Variants in CALCR observed in about 807,000 individuals in gnomAD.
CALCR encodes the protein calcitonin receptor.
CALCR carries 47 observed loss-of-function variants against 59.5 expected under a neutral mutation model. The observed-to-expected ratio is 0.79, with a 90% CI of 0.63 to 1.01. The LOEUF is 1.01. Ranked by LOEUF, CALCR falls within the 50% of genes least tolerant of loss-of-function variation. The pLI is 0.00. For synonymous variants in CALCR, 213 were observed against 211.3 expected, an observed-to-expected ratio of 1.01 and a Z score of -0.07; for missense variants, 566 against 597.1, an observed-to-expected ratio of 0.95 and a Z score of 0.54.
At position 93,473,400 on chromosome 7, in the gene CALCR, T is replaced by G. The variant is rs529739140; in HGVS notation, c.317-913A>C. On this transcript the variant is annotated intron_variant, in intron 5 of 13. Transcript: ENST00000426151. ...CGAGTCTACTTGATTCCAAATCTATTGCAGAGCTATTAAGCACTAATTAAG... is the reference window on the plus strand; with the variant it reads ...CGAGTCTACTTGATTCCAAATCTATGGCAGAGCTATTAAGCACTAATTAAG... 9.3e-4 allele frequency among the ~76,000 whole-genome samples: 142 copies of G among 151,900 alleles called. 1 individual carries two copies. Among genetic ancestry groups the G allele is most frequent in the Non-Finnish European group, 1.8e-3 (122 of 67,840 alleles).
chr7:93,436,862 T>C (rs1799789872), intron 11 of CALCR, among the ~76,000 whole-genome samples: 1 of 152,126 alleles, frequency 6.6e-6, no homozygotes. Flanking sequence ...GCTAAATACA[T>C]GTTTGATATT....
intron 9 of CALCR, among the ~76,000 whole-genome samples, chr7:93,441,272 C>T (rs1316322388): frequency 6.6e-6 from 1 of 152,004 alleles, no homozygotes; most frequent in Non-Finnish European, 1.5e-5. Flanking sequence ...AAATATACCA[C>T]AGATTTTATT....
intron 2 of CALCR, among the ~76,000 whole-genome samples, chr7:93,534,494 G>A (rs1190850955): frequency 6.6e-6 from 1 of 150,706 alleles, no homozygotes; most frequent in East Asian, 1.9e-4. Context: ...TAATTGTCAT[G>A]CTTTTGAATA....
intron 2 of CALCR, among the ~76,000 whole-genome samples, chr7:93,527,704 C>T (rs879431772): frequency 5.9e-5 from 9 of 152,092 alleles, no homozygotes; most frequent in Non-Finnish European, 1.2e-4. Context: ...ATATAAGCTT[C>T]TAAGACAAAA....
At chr7:93,487,336 G>A (rs1800968306) in intron 2 of CALCR, among the ~76,000 whole-genome samples, 1 of 151,350 alleles carries the variant, frequency 6.6e-6, no homozygotes. Context: ...TGATAGAGCT[G>A]CTGAAAATTG....
intron 12 of CALCR, among the ~76,000 whole-genome samples, 157 bp from the exon 13 acceptor site, chr7:93,434,451 A>C (rs1345059641): frequency 6.6e-6 from 1 of 152,038 alleles, no homozygotes; most frequent in Admixed American, 6.6e-5. Flanking sequence ...GCACTATAAG[A>C]ATATTCCCTT....
intron 2 of CALCR, among the ~76,000 whole-genome samples, chr7:93,525,259 A>T (rs1801853101): frequency 6.6e-6 from 1 of 152,186 alleles, no homozygotes; most frequent in South Asian, 2.1e-4. Flanking sequence ...AATGTTAGGA[A>T]ACATTACCTT....
At chr7:93,428,216 T>C (rs986084414) in intron 13 of CALCR, among the ~76,000 whole-genome samples, 1 of 152,248 alleles carries the variant, frequency 6.6e-6, no homozygotes, top group African/African-American at 2.4e-5. Context: ...TACCGTATCA[T>C]AAGTATGTGA....
At chr7:93,569,217 GAT>G (rs2116290131) in intron 2 of CALCR, among the ~76,000 whole-genome samples, 1 of 151,874 alleles carries the variant, frequency 6.6e-6, no homozygotes, top group East Asian at 1.9e-4. Flanking sequence ...CCACCAGAGA[GAT>G]CTACCAAAAT....
intron 2 of CALCR, among the ~76,000 whole-genome samples, chr7:93,524,218 G>C (rs537277256): frequency 6.9e-6 from 1 of 145,408 alleles, no homozygotes; most frequent in Non-Finnish European, 1.5e-5. Flanking sequence ...TGCCCAGGCT[G>C]GAGTGCAGTG....
intron 8 of CALCR, among the ~76,000 whole-genome samples, chr7:93,451,626 C>G (rs759776074): frequency 7.9e-5 from 12 of 151,946 alleles, no homozygotes; most frequent in Non-Finnish European, 1.6e-4. Context: ...ATGGGGTCAT[C>G]ACACAAGTTT....
intron 5 of CALCR, 94 bp from the exon 6 acceptor site, chr7:93,472,581 T>G (rs888715879): frequency 2.3e-5 from 17 of 727,064 alleles, no homozygotes; most frequent in Non-Finnish European, 4.1e-5. Context: ...TCCAACATAT[T>G]AATCACTTTA....
In CALCR at chr7:93,535,211, T is replaced by C. The variant is rs1788954348; in HGVS notation, c.-27+39078A>G. On this transcript the variant is annotated intron_variant, in intron 2 of 13. Transcript: ENST00000426151. ...GACCTACGATTTTTCGTTTTATACT[T>C]ATGCTCTAGTTCTCCAAGTACAATC... 2.6e-5 allele frequency among the ~76,000 whole-genome samples: 4 copies of C among 151,754 alleles called. 1 individual carries two copies. The South Asian group carries it at 8.3e-4, about 31-fold the overall frequency.
chr7:93,525,414 A>G (rs576256742), intron 2 of CALCR, among the ~76,000 whole-genome samples: 1 of 152,124 alleles, frequency 6.6e-6, no homozygotes, highest in Non-Finnish European at 1.5e-5. Context: ...TCTCAGTACT[A>G]TGTTCAAACT....
At chr7:93,518,627 G>C (rs1801695101) in intron 2 of CALCR, among the ~76,000 whole-genome samples, 2 of 151,808 alleles carry the variant, frequency 1.3e-5, no homozygotes. Context: ...AACCAATTAG[G>C]TGGAGAGTAC....
At chr7:93,502,393 T>G (rs1801336843) in intron 2 of CALCR, among the ~76,000 whole-genome samples, 1 of 152,172 alleles carries the variant, frequency 6.6e-6, no homozygotes, top group East Asian at 1.9e-4. Context: ...TTCACACTGA[T>G]TCTAGAAACA....
chr7:93,442,519 G>A lies in CALCR; in HGVS notation c.802+1085C>T, dbSNP rs184525069. ...CTAGGCTGCTTATATGACTTCCCAA[G>A]CACATTTCTATAAAGTTGGCGACAA... On this transcript the variant is annotated intron_variant, in intron 9 of 13. Coordinates refer to ENST00000426151, the MANE Select transcript of CALCR (RefSeq NM_001742.4). Among the ~76,000 whole-genome samples the A allele has an allele frequency of 2.7e-4, 41 of 152,274 alleles. No homozygotes were observed. In the South Asian group the frequency reaches 7.5e-3, roughly 28 times the overall value.
rs117873176 is a variant in CALCR at position 93,498,866 on chromosome 7, C to T, written c.-26-11859G>A. 8.5e-4 allele frequency among the ~76,000 whole-genome samples: 129 copies of T among 151,694 alleles called. No homozygotes were observed. In the East Asian group the frequency reaches 0.022, roughly 26 times the overall value. On this transcript the variant is annotated intron_variant, in intron 2 of 13. Coordinates refer to ENST00000426151, the MANE Select transcript of CALCR (RefSeq NM_001742.4). The stretch of plus-strand genomic sequence containing the variant: ...ATTGTAATTAGCATGTTCAAGGTTT[C>T]CTTGTAACTTTTCAACTTCTGTTAA...
chr7:93,543,883 C>T (rs963365206), intron 2 of CALCR, among the ~76,000 whole-genome samples: 3 of 151,560 alleles, frequency 2.0e-5, no homozygotes, highest in African/African-American at 7.3e-5. Context: ...TGTTACTGGC[C>T]TCAGTAATTA....
Sources: gnomAD v4.1 joint callset for allele counts (sites outside exome capture counted in the v4.1 genomes callset) on GRCh38, gnomAD v4.1.1 for gene constraint, MANE v1.5 for transcripts, NCBI Gene and HGNC (gene_info 2026-07-23, HGNC 2026-07-21) for gene names.